The following FAM227B variants were observed in gnomAD, a reference collection of about 807,000 sequenced individuals.
FAM227B encodes the protein family with sequence similarity 227 member B.
A neutral mutation model predicts 73.8 loss-of-function variants in FAM227B; 88 were observed. That is an observed-to-expected ratio of 1.19 (90% CI 1.00 to 1.42). The LOEUF (loss-of-function observed/expected upper bound fraction) is 1.42, where lower values mean the gene tolerates loss of function less well. Among genes scored for constraint, FAM227B ranks in the 40% most tolerant of loss-of-function variants. The pLI is 0.00. For missense variants in FAM227B, 632 were observed against 590.9 expected (o/e 1.07, Z -0.72); for synonymous variants, 210 against 190.5 (o/e 1.10, Z -0.84).
intron 11 of FAM227B, among the ~76,000 whole-genome samples, chr15:49,453,806 G>A (rs949546783): frequency 3.3e-5 from 5 of 151,974 alleles, no homozygotes; most frequent in Non-Finnish European, 5.9e-5. Flanking sequence ...ATTTCAGCAC[G>A]TTCCCAATTG....
chr15:49,620,070 C>T (rs940475470), intron 1 of FAM227B: 1 of 152,132 alleles, frequency 6.6e-6, no homozygotes, highest in Non-Finnish European at 1.5e-5. Flanking sequence ...TAATGGGTCC[C>T]ACACAATCCC....
At chr15:49,516,942 T>C (rs909659118) in intron 10 of FAM227B, among the ~76,000 whole-genome samples, 3 of 152,170 alleles carry the variant, frequency 2.0e-5, no homozygotes, top group Non-Finnish European at 4.4e-5. Context: ...CAGACACTTA[T>C]GACTCTGAAA....
intron 11 of FAM227B, among the ~76,000 whole-genome samples, chr15:49,435,246 G>A (rs567107342): frequency 6.6e-6 from 1 of 151,498 alleles, no homozygotes; most frequent in Non-Finnish European, 1.5e-5. Context: ...TAAAATCGAA[G>A]TAATCTTTAT....
intron 10 of FAM227B, among the ~76,000 whole-genome samples, chr15:49,527,045 A>G (rs567226462): frequency 7.2e-6 from 1 of 138,728 alleles, no homozygotes; most frequent in East Asian, 2.4e-4. Context: ...CTACAAAACC[A>G]GTATCACCCA....
rs768555380 is a variant in FAM227B, at chr15:49,367,563, T to C, written c.1156A>G (p.Asn386Asp). 3.0e-5 allele frequency: 48 copies of C among 1,603,988 alleles called. No homozygotes were observed. The highest frequency in any genetic ancestry group is 4.0e-5 in the Non-Finnish European group (47 of 1,177,806). Residue 386 changes from asparagine (N) to aspartate (D), a missense_variant, in exon 13 of 16, where the codon AAT becomes GAT. Asn to Asp is a conservative substitution (Grantham distance 23). Coordinates refer to ENST00000299338, the MANE Select transcript of FAM227B (RefSeq NM_152647.3). ...TGPEFNRVLF[N>D]FGGQSPLILY... ...ATCAATGGACTCTGACCTCCAAAAT[T>C]GAAGAGAACACGATTAAACTCTGGA...
intron 3 of FAM227B, among the ~76,000 whole-genome samples, chr15:49,605,401 C>T (rs1018297260): frequency 1.3e-5 from 2 of 152,186 alleles, no homozygotes; most frequent in Non-Finnish European, 2.9e-5. Flanking sequence ...GTCCTAGGCT[C>T]AAGGGATGTT....
At chr15:49,571,027 C>A (rs2075061037) in intron 8 of FAM227B, among the ~76,000 whole-genome samples, 1 of 150,674 alleles carries the variant, frequency 6.6e-6, no homozygotes, top group Non-Finnish European at 1.5e-5. Context: ...GCAATTAATG[C>A]TAAAATGAAC....
At chr15:49,488,116 AT>A (rs1347192405) in intron 11 of FAM227B, 1 of 152,006 alleles carries the variant, frequency 6.6e-6, no homozygotes, top group Admixed American at 6.6e-5. Flanking sequence ...GCAGGCCACT[AT>A]GACTAACTTG....
Position 49,575,011 on chromosome 15 carries a change from C to A in FAM227B, c.645G>T (p.Arg215Ser). 2 of 1,552,992 alleles carry A rather than the reference C, an allele frequency of 1.3e-6. No homozygotes were observed. Among genetic ancestry groups the A allele is most frequent in the South Asian group, 2.4e-5 (2 of 84,110 alleles). ...SFWWWFLHKF[R>S]PDRENQDCLF... ...AATAAATTTTTAAAAATCACTATAC[C>A]CTAAATTTATGGAGAAACCACCACC... Residue 215 changes from arginine to serine, a missense_variant and splice_region_variant, in exon 8 of 16, where the codon AGG (arginine) becomes AGT (serine). Physicochemically the swap from Arg to Ser is moderately radical, Grantham distance 110. Transcript: ENST00000299338.
chr15:49,367,682 T>C, intron 12 of FAM227B, 74 bp from the exon 13 acceptor site: 2 of 1,326,150 alleles, frequency 1.5e-6, no homozygotes, highest in Non-Finnish European at 2.0e-6. Context: ...AAATATAACT[T>C]CATATTTAGC....
chr15:49,541,613 A>G (rs2071079742), intron 10 of FAM227B, 67 bp downstream of exon 10: 1 of 1,296,040 alleles, frequency 7.7e-7, no homozygotes, highest in African/African-American at 1.5e-5. Context: ...TGGAATAAAT[A>G]AAATACTGCA....
intron 11 of FAM227B, among the ~76,000 whole-genome samples, chr15:49,448,581 A>G (rs2052434065): frequency 6.6e-6 from 1 of 151,784 alleles, no homozygotes; most frequent in Admixed American, 6.6e-5. Flanking sequence ...TACAATAGTT[A>G]TATTTCTGGT....
intron 11 of FAM227B, among the ~76,000 whole-genome samples, chr15:49,388,912 A>T (rs2047040900): frequency 6.6e-6 from 1 of 152,090 alleles, no homozygotes; most frequent in African/African-American, 2.4e-5. Flanking sequence ...ATCACCAGGG[A>T]AGTGCAAATT....
intron 9 of FAM227B, among the ~76,000 whole-genome samples, chr15:49,553,905 T>C (rs534773311): frequency 1.3e-5 from 2 of 152,310 alleles, no homozygotes; most frequent in South Asian, 4.1e-4. Flanking sequence ...GTGGCCATGC[T>C]GGTACCTGAA....
chr15:49,476,379 T>C (rs2055323773), intron 11 of FAM227B, among the ~76,000 whole-genome samples: 1 of 151,964 alleles, frequency 6.6e-6, no homozygotes, highest in East Asian at 1.9e-4. Context: ...ATCAAGTTTC[T>C]AAAATATTAC....
chr15:49,512,652 T>C (rs1188221184), intron 10 of FAM227B, among the ~76,000 whole-genome samples: 1 of 152,204 alleles, frequency 6.6e-6, no homozygotes. Flanking sequence ...TAGGTATACA[T>C]GTGCCATGGT....
In FAM227B at chr15:49,327,736, A is replaced by C; in HGVS notation, c.*832T>G. 1 of 421,114 alleles carries C rather than the reference A, an allele frequency of 2.4e-6. No individual in the cohort carries two copies. The highest frequency in any genetic ancestry group is 5.4e-5 in the South Asian group (1 of 18,498). 26.1% of individuals were successfully genotyped at this position (421,114 alleles called of 1,614,324 possible). ...TACTGTTGACTTACCACTTGGAGTC[A>C]AAACCAGGGACTAGATTTAGATACA... is the stretch of plus-strand genomic sequence containing the variant. On this transcript the variant is annotated 3_prime_UTR_variant, in exon 16 of 16. Coordinates refer to ENST00000299338, the MANE Select transcript of FAM227B (RefSeq NM_152647.3).
chr15:49,542,256 G>GT (rs1385575230), intron 9 of FAM227B, among the ~76,000 whole-genome samples: 2 of 152,124 alleles, frequency 1.3e-5, no homozygotes, highest in Non-Finnish European at 2.9e-5. Flanking sequence ...TATTGAGAAA[G>GT]TAAGTCTGAG....
intron 10 of FAM227B, among the ~76,000 whole-genome samples, chr15:49,523,850 G>A (rs1469205791): frequency 6.6e-6 from 1 of 152,196 alleles, no homozygotes; most frequent in African/African-American, 2.4e-5. Flanking sequence ...TTATATTTTA[G>A]CAAAGAGACT....
Sources: gnomAD v4.1 joint callset for allele counts (sites outside exome capture counted in the v4.1 genomes callset) on GRCh38, gnomAD v4.1.1 for gene constraint, MANE v1.5 for transcripts, NCBI Gene and HGNC (gene_info 2026-07-23, HGNC 2026-07-21) for gene names.